The following FUT9 variants were observed in gnomAD, a reference collection of about 807,000 sequenced individuals.
The protein encoded by FUT9 is fucosyltransferase 9.
Under a neutral mutation model 29.7 loss-of-function variants are expected in FUT9, and 15 were observed. The observed-to-expected ratio is 0.51, with a 90% CI of 0.34 to 0.78. The LOEUF (loss-of-function observed/expected upper bound fraction) is 0.78, where lower values mean the gene tolerates loss of function less well. Among genes scored for constraint, FUT9 ranks in the 30% least tolerant of loss-of-function variants. The probability of loss-of-function intolerance (pLI) is 0.01; values close to 1 mark genes in which losing one functional copy is unlikely to be tolerated. For synonymous variants in FUT9, 169 were observed against 153.7 expected (o/e 1.10, Z -0.74); for missense variants, 319 against 425.4 (o/e 0.75, Z 2.20).
chr6:96,178,752 T>G (rs374745112), intron 2 of FUT9, among the ~76,000 whole-genome samples: 12 of 152,136 alleles, frequency 7.9e-5, no homozygotes, highest in African/African-American at 2.9e-4. Context: ...GAATATGAAC[T>G]GTAGTATCTA....
intron 2 of FUT9, among the ~76,000 whole-genome samples, chr6:96,124,153 C>CTTTTTTTT (rs35122970): frequency 4.0e-5 from 5 of 125,028 alleles, no homozygotes; most frequent in African/African-American, 6.0e-5. Flanking sequence ...TTTCTTTTTT[C>CTTTTTTTT]TTTTTTTTTT....
At chr6:96,176,375 A>G (rs1031595131) in intron 2 of FUT9, among the ~76,000 whole-genome samples, 4 of 151,634 alleles carry the variant, frequency 2.6e-5, no homozygotes, top group African/African-American at 7.3e-5. Flanking sequence ...TGTTATATTT[A>G]TATATATCCT....
intron 2 of FUT9, among the ~76,000 whole-genome samples, chr6:96,126,256 G>C (rs551095371): frequency 6.6e-6 from 1 of 152,168 alleles, no homozygotes; most frequent in Non-Finnish European, 1.5e-5. Flanking sequence ...CTTCTGGTGA[G>C]GTCTCAGGAA....
chr6:96,147,488 A>C (rs1463884012), intron 2 of FUT9, among the ~76,000 whole-genome samples: 1 of 152,072 alleles, frequency 6.6e-6, no homozygotes, highest in Non-Finnish European at 1.5e-5. Context: ...CATTATCCTC[A>C]TGTTTGTCCT....
intron 1 of FUT9, among the ~76,000 whole-genome samples, chr6:96,101,115 T>C (rs1308833108): frequency 3.9e-5 from 6 of 152,200 alleles, no homozygotes; most frequent in African/African-American, 1.2e-4. Context: ...CTGCAAAGAA[T>C]TCTAAATTTA....
chr6:96,124,751 C>G (rs6571056), intron 2 of FUT9, among the ~76,000 whole-genome samples: 1 of 152,068 alleles, frequency 6.6e-6, no homozygotes, highest in Non-Finnish European at 1.5e-5. Context: ...TGGCTTCTCT[C>G]ATTATACTTC....
chr6:96,125,177 A>G (rs772889047), intron 2 of FUT9, among the ~76,000 whole-genome samples: 2 of 152,188 alleles, frequency 1.3e-5, no homozygotes, highest in African/African-American at 2.4e-5. Context: ...TATAAATAGC[A>G]TACTCTTTCT....
At chr6:96,088,833 T>C (rs1401526620) in intron 1 of FUT9, among the ~76,000 whole-genome samples, 3 of 152,216 alleles carry the variant, frequency 2.0e-5, no homozygotes, top group Non-Finnish European at 4.4e-5. Flanking sequence ...GGCTATTTTT[T>C]AAATGAATGT....
At chr6:96,198,522 G>C (rs1050125237) in intron 2 of FUT9, among the ~76,000 whole-genome samples, 4 of 151,816 alleles carry the variant, frequency 2.6e-5, no homozygotes, top group African/African-American at 9.7e-5. Flanking sequence ...TATCATTGTT[G>C]GACATTTGGG....
intron 1 of FUT9, among the ~76,000 whole-genome samples, chr6:96,079,731 A>G (rs1415330604): frequency 2.0e-5 from 3 of 152,132 alleles, no homozygotes; most frequent in Non-Finnish European, 4.4e-5. Flanking sequence ...AAAGCAACAT[A>G]ATCGGAACTG....
chr6:96,141,102 A>T (rs900706064), intron 2 of FUT9, among the ~76,000 whole-genome samples: 4 of 152,192 alleles, frequency 2.6e-5, no homozygotes, highest in Non-Finnish European at 5.9e-5. Flanking sequence ...AGATTTTTGA[A>T]ATTATCTCAA....
chr6:96,137,552 T>C (rs1302458413), intron 2 of FUT9, among the ~76,000 whole-genome samples: 2 of 152,026 alleles, frequency 1.3e-5, no homozygotes, highest in Admixed American at 6.6e-5. Flanking sequence ...TGGAGAAACC[T>C]GATAAACATT....
chr6:96,211,612 A>G lies in FUT9; in HGVS notation c.*7377A>G, dbSNP rs1773938372. ...TATCTAGTGGTTCAGAAATAAAATA[A>G]TTGTTAGCCAGCCTGTGATTAAGGC... On this transcript the variant is annotated 3_prime_UTR_variant, in exon 3 of 3. Coordinates refer to ENST00000302103, the MANE Select transcript of FUT9 (RefSeq NM_006581.4). The G allele has an allele frequency of 6.2e-6, 1 of 160,876 alleles. No homozygotes were observed. The highest frequency in any genetic ancestry group is 1.5e-5 in the Non-Finnish European group (1 of 64,630). 10.0% of individuals were successfully genotyped at this position (160,876 alleles called of 1,614,324 possible). A position where few individuals can be genotyped will look rare whatever the true frequency, so the allele number is the denominator to read the frequency against.
intron 1 of FUT9, chr6:96,036,697 C>A (rs951696095): frequency 6.6e-6 from 1 of 151,842 alleles, no homozygotes; most frequent in African/African-American, 2.4e-5. Context: ...GAAGCTGAGT[C>A]CCAGATTAAA....
At chr6:96,031,929 T>C (rs946992467) in intron 1 of FUT9, among the ~76,000 whole-genome samples, 1 of 151,572 alleles carries the variant, frequency 6.6e-6, no homozygotes, top group African/African-American at 2.4e-5. Context: ...TAAATAAAAA[T>C]GACAACTGAA....
At chr6:96,114,874 C>T (rs7749153) in intron 2 of FUT9, among the ~76,000 whole-genome samples, 37,403 of 151,994 alleles carry the variant, frequency 0.25, 4,958 homozygotes, top group South Asian at 0.43. Context: ...TGGACTGGAG[C>T]CCATCATGAA....
At chr6:96,054,463 A>G (rs980474017) in intron 1 of FUT9, among the ~76,000 whole-genome samples, 2 of 152,224 alleles carry the variant, frequency 1.3e-5, no homozygotes, top group Non-Finnish European at 1.5e-5. Context: ...TATGATCCAA[A>G]CACTCTGCTA....
At chr6:96,139,949 C>A (rs1045975195) in intron 2 of FUT9, among the ~76,000 whole-genome samples, 2 of 152,202 alleles carry the variant, frequency 1.3e-5, no homozygotes, top group African/African-American at 4.8e-5. Context: ...ATTACTTATG[C>A]AAATTTATAC....
chr6:96,047,595 CA>C (rs1208072734), intron 1 of FUT9, among the ~76,000 whole-genome samples: 25 of 152,252 alleles, frequency 1.6e-4, no homozygotes, highest in Non-Finnish European at 2.9e-4. Flanking sequence ...ATTTTAGTTT[CA>C]GAAAGGAAAT....
Sources: gnomAD v4.1 joint callset for allele counts (sites outside exome capture counted in the v4.1 genomes callset) on GRCh38, gnomAD v4.1.1 for gene constraint, MANE v1.5 for transcripts, NCBI Gene and HGNC (gene_info 2026-07-23, HGNC 2026-07-21) for gene names.